The following HERC1 variants were observed in gnomAD, a reference collection of about 807,000 sequenced individuals.
The protein encoded by HERC1 is probable E3 ubiquitin-protein ligase HERC1.
In HERC1, 160 loss-of-function variants were observed where a neutral mutation model predicts 554.3. The ratio of observed to expected loss-of-function variants is 0.29; its 90% CI spans 0.25 to 0.33. The LOEUF (loss-of-function observed/expected upper bound fraction) is 0.33. Ranked by LOEUF, HERC1 falls within the 10% of genes least tolerant of loss-of-function variation. HERC1 has a pLI of 1.00. For missense variants in HERC1, 4,919 were observed against 5,918.5 expected (o/e 0.83, Z 5.54); for synonymous variants, 2,175 against 2,131.7 (o/e 1.02, Z -0.56).
chr15:63,615,777 C>T lies in HERC1; in HGVS notation c.14085G>A (p.Met4695Ile). Reference sequence around the variant, plus strand: ...AGATGTTTCATCTCACCTGTCTGTCCATCTCATGAAGTCGATATTCAATGG... The same window carrying T: ...AGATGTTTCATCTCACCTGTCTGTCTATCTCATGAAGTCGATATTCAATGG... ...ERAIEYRLHEMDRQVAAVREG... is the reference protein window; with the variant it reads ...ERAIEYRLHEIDRQVAAVREG... Residue 4695 changes from methionine (M) to isoleucine (I), a missense_variant, in exon 76 of 78, where the codon ATG becomes ATA. This residue lies in a region of HERC1 where 284 missense variants were observed against 294.1 expected (regional missense o/e 0.97). Coordinates refer to ENST00000443617, the MANE Select transcript of HERC1 (RefSeq NM_003922.4). 6.3e-7 allele frequency: 1 copy of T among 1,589,556 alleles called. No individual in the cohort carries two copies. Among genetic ancestry groups the T allele is most frequent in the Non-Finnish European group, 8.5e-7 (1 of 1,170,792 alleles).
In HERC1 at chr15:63,694,613, T is replaced by C; in HGVS notation, c.5243-64A>G. The C allele has an allele frequency of 2.0e-6, 3 of 1,463,740 alleles. No individual in the cohort carries two copies. The highest frequency in any genetic ancestry group is 2.8e-6 in the Non-Finnish European group (3 of 1,062,704). The allele number at this position is 1,463,740 out of a possible 1,614,324, so 90.7% of individuals were successfully genotyped here. A position where few individuals can be genotyped will look rare whatever the true frequency, so the allele number is the denominator to read the frequency against. ...TAAACAAAGCATTTATTAAAATGAA[T>C]AATTTTCTAAAATATTAATAACATG... is the stretch of plus-strand genomic sequence containing the variant. On this transcript the variant is annotated intron_variant, in intron 28 of 77. Coordinates refer to ENST00000443617, the MANE Select transcript of HERC1 (RefSeq NM_003922.4). This position sits in a 1 kb window ranked among gnomAD's most constrained non-coding sequence, Gnocchi z 4.3.
intron 1 of HERC1, among the ~76,000 whole-genome samples, chr15:63,820,529 A>G (rs1211729779): frequency 2.0e-5 from 3 of 152,250 alleles, no homozygotes. Context: ...CTTGAATTAT[A>G]TCAAATAAAA....
intron 74 of HERC1, 98 bp from the exon 75 acceptor site, chr15:63,616,780 G>C: frequency 9.7e-7 from 1 of 1,028,856 alleles, no homozygotes; most frequent in East Asian, 2.4e-5. Flanking sequence ...TACCTGTACT[G>C]TTCAATATGG....
At chr15:63,673,558 TTGAC>T (rs1483206919) in intron 38 of HERC1, among the ~76,000 whole-genome samples, 2 of 152,174 alleles carry the variant, frequency 1.3e-5, no homozygotes, top group African/African-American at 4.8e-5. Context: ...TCAACAAACA[TTGAC>T]TGAACGAATC....
At chr15:63,716,102 A>G (rs772379035) in intron 22 of HERC1, among the ~76,000 whole-genome samples, 200 bp downstream of exon 22, 28 of 152,194 alleles carry the variant, frequency 1.8e-4, no homozygotes, top group Non-Finnish European at 3.4e-4. Context: ...TCAGCCCTGA[A>G]TATGTAACCC....
chr15:63,826,567 C>T (rs1331771064), intron 1 of HERC1, among the ~76,000 whole-genome samples: 1 of 151,752 alleles, frequency 6.6e-6, no homozygotes, highest in Non-Finnish European at 1.5e-5. Flanking sequence ...ATCAATGTAG[C>T]ACTTCCATTA....
chr15:63,640,163 C>G lies in HERC1; in HGVS notation c.11890G>C (p.Val3964Leu). The G allele has an allele frequency of 3.1e-6, 5 of 1,613,500 alleles. No homozygotes were observed. Among genetic ancestry groups the G allele is most frequent in the Non-Finnish European group, 4.2e-6 (5 of 1,179,606 alleles). Residue 3964 changes from valine to leucine, a missense_variant, in exon 61 of 78, where the codon GTA becomes CTA. Val to Leu is a conservative substitution (Grantham distance 32). This residue lies in a region of HERC1 where 1,963 missense variants were observed against 2,228.6 expected (regional missense o/e 0.88). Transcript: ENST00000443617. Reference sequence around the variant, plus strand: ...CACAGTACATTTACCATTAGAAATACAAGTTCATCCTCTGGAACAGGTTCT... The same window carrying G: ...CACAGTACATTTACCATTAGAAATAGAAGTTCATCCTCTGGAACAGGTTCT... ...DLEPVPEDEL[V>L]FLMDNSKWIN...
chr15:63,681,555 G>C (rs772439958), intron 34 of HERC1, among the ~76,000 whole-genome samples: 3 of 151,898 alleles, frequency 2.0e-5, no homozygotes, highest in Non-Finnish European at 4.4e-5. Context: ...CTAGGACCTG[G>C]GAATTTGACT....
At chr15:63,650,906 G>A (rs1393620046) in intron 53 of HERC1, among the ~76,000 whole-genome samples, 1 of 152,066 alleles carries the variant, frequency 6.6e-6, no homozygotes, top group African/African-American at 2.4e-5. Flanking sequence ...ATTTATACCT[G>A]CAAAATAAAC....
chr15:63,661,825 T>C lies in HERC1; in HGVS notation c.9098A>G (p.Tyr3033Cys). 1 of 1,613,974 alleles carries C rather than the reference T, an allele frequency of 6.2e-7. No individual in the cohort carries two copies. Among genetic ancestry groups the C allele is most frequent in the Non-Finnish European group, 8.5e-7 (1 of 1,179,862 alleles). The change falls in exon 45 of 78, where the codon TAC (tyrosine) becomes TGC (cysteine). Residue 3033 changes from tyrosine to cysteine, a missense_variant. Transcript: ENST00000443617. Reference protein sequence around the residue: ...GGECGSGNPYYLLCGTCREKY... With the variant: ...GGECGSGNPYCLLCGTCREKY... ...CTCCCTGCAGGTGCCACATAACAGG[T>C]AGTACGGATTTCCACTCCCACATTC... is the stretch of plus-strand genomic sequence containing the variant.
chr15:63,686,465 G>A lies in HERC1; in HGVS notation c.6119C>T (p.Ala2040Val), dbSNP rs779219448. 6.2e-7 allele frequency: 1 copy of A among 1,613,808 alleles called. No homozygotes were observed. Among genetic ancestry groups the A allele is most frequent in the South Asian group, 1.1e-5 (1 of 91,078 alleles). ...IQEVSFDPEK[A>V]QCCLVENGQI... ...TCCATTCTCCACTAGGCAACACTGA[G>A]CTTTCTCCGGGTCAAAGGATACTTC... Residue 2040 changes from alanine (A) to valine (V), a missense_variant, in exon 34 of 78, where the codon GCT becomes GTT. By Grantham distance (64) the Ala-to-Val change is moderately conservative. This residue lies in a region of HERC1 where 1,121 missense variants were observed against 1,244.0 expected (regional missense o/e 0.90). Transcript: ENST00000443617.
chr15:63,694,519 A>G lies in HERC1; in HGVS notation c.5273T>C (p.Val1758Ala). Residue 1758 changes from valine (V) to alanine (A), a missense_variant, in exon 29 of 78, where the codon GTT (valine) becomes GCT (alanine). Val to Ala is a moderately conservative substitution (Grantham distance 64, BLOSUM62 0). Transcript: ENST00000443617. The surrounding 1 kb of genome is among the most constrained non-coding windows in gnomAD (Gnocchi z 4.3). ...TTGATAATGAACACTTAGGGCAAAA[A>G]CTGTAACCAGAAGCAGACGTTGCTG... ...EAQQRLLLVT[V>A]FALSVHYQPV... is the part of the protein sequence containing the mutation. The G allele has an allele frequency of 6.2e-7, 1 of 1,614,038 alleles. No individual in the cohort carries two copies. Among genetic ancestry groups the G allele is most frequent in the South Asian group, 1.1e-5 (1 of 91,090 alleles).
rs35930148 is a variant in HERC1 at position 63,718,292 on chromosome 15, A to G, written c.3978+282T>C. 2.8e-3 allele frequency: 813 copies of G among 293,096 alleles called. 1 individual carries two copies. Among genetic ancestry groups the G allele is most frequent in the Non-Finnish European group, 3.9e-3 (612 of 156,320 alleles). The allele number at this position is 293,096 out of a possible 1,614,324, so 18.2% of individuals were successfully genotyped here. A position where few individuals can be genotyped will look rare whatever the true frequency, so the allele number is the denominator to read the frequency against. ...AATTCAAATGTGGCCCAATCAGCAC[A>G]AAGAGAGGAATAATCATTCATATGA... On this transcript the variant is annotated intron_variant, in intron 21 of 77. Transcript: ENST00000443617. This position sits in a 1 kb window ranked among gnomAD's most constrained non-coding sequence, Gnocchi z 4.2.
chr15:63,750,537 T>C (rs1475757479), intron 8 of HERC1, among the ~76,000 whole-genome samples: 4 of 152,228 alleles, frequency 2.6e-5, no homozygotes, highest in Non-Finnish European at 5.9e-5. Context: ...TAAGATTATA[T>C]AGATTCTTAT....
intron 12 of HERC1, among the ~76,000 whole-genome samples, chr15:63,746,470 A>AT (rs1362306588): frequency 1.3e-5 from 2 of 152,190 alleles, no homozygotes; most frequent in African/African-American, 4.8e-5. Flanking sequence ...TATAACCAGT[A>AT]TTCTATTCTA....
intron 19 of HERC1, among the ~76,000 whole-genome samples, chr15:63,720,334 T>C (rs1399722405): frequency 6.6e-6 from 1 of 151,962 alleles, no homozygotes; most frequent in Non-Finnish European, 1.5e-5. Context: ...GTATATTCAG[T>C]AGATTTCAAA....
At chr15:63,704,974 G>A (rs547142952) in intron 25 of HERC1, among the ~76,000 whole-genome samples, 1 of 151,688 alleles carries the variant, frequency 6.6e-6, no homozygotes, top group African/African-American at 2.4e-5. Context: ...TCCTGACCTC[G>A]TGATCCGCCC....
chr15:63,809,001 T>C (rs1330790976), intron 1 of HERC1, among the ~76,000 whole-genome samples: 1 of 151,976 alleles, frequency 6.6e-6, no homozygotes, highest in African/African-American at 2.4e-5. Flanking sequence ...CTCCCTAAAA[T>C]AAAAAATGAA....
In HERC1 at chr15:63,663,060, A is replaced by G; in HGVS notation, c.8825T>C (p.Met2942Thr). ...IDLDDEAMEA[M>T]FGQDLTSDND... ...GTCACTGGTCAGGTCTTGTCCAAAC[A>G]TAGCTTCCATCGCCTCATCATCAAG... Residue 2942 changes from methionine to threonine, a missense_variant, in exon 44 of 78, where the codon ATG becomes ACG. Transcript: ENST00000443617. 6.2e-7 allele frequency: 1 copy of G among 1,613,978 alleles called. No homozygotes were observed. The highest frequency in any genetic ancestry group is 8.5e-7 in the Non-Finnish European group (1 of 1,179,870).
Sources: gnomAD v4.1 joint callset for allele counts (sites outside exome capture counted in the v4.1 genomes callset) on GRCh38, gnomAD v4.1.1 for gene constraint, gnomAD v4.1.1 regional missense constraint, Gnocchi (gnomAD v3.1) non-coding constraint, MANE v1.5 for transcripts, NCBI Gene and HGNC (gene_info 2026-07-23, HGNC 2026-07-21) for gene names.